Variants in PTPN11 observed in about 807,000 individuals in gnomAD.
The protein encoded by PTPN11 is tyrosine-protein phosphatase non-receptor type 11.
Under a neutral mutation model 78.8 loss-of-function variants are expected in PTPN11, and 6 were observed. That is an observed-to-expected ratio of 0.08 (90% CI 0.04 to 0.15). The LOEUF (loss-of-function observed/expected upper bound fraction) is 0.15, where lower values mean the gene tolerates loss of function less well. Among genes scored for constraint, PTPN11 ranks in the 10% least tolerant of loss-of-function variants. The pLI is 1.00. For missense variants in PTPN11, 386 were observed against 744.8 expected (o/e 0.52, Z 5.61); for synonymous variants, 221 against 263.5 (o/e 0.84, Z 1.56).
chr12:112,422,341 G>A (rs2037534850), intron 1 of PTPN11, among the ~76,000 whole-genome samples: 1 of 152,200 alleles, frequency 6.6e-6, no homozygotes, highest in African/African-American at 2.4e-5. Flanking sequence ...CAGCAATTAA[G>A]TGACTCCTCC....
intron 2 of PTPN11, among the ~76,000 whole-genome samples, chr12:112,447,235 A>G (rs963495212): frequency 3.9e-5 from 6 of 152,108 alleles, no homozygotes; most frequent in African/African-American, 1.4e-4. Flanking sequence ...CTTTATCAAC[A>G]AGTAAAACAT....
intron 13 of PTPN11, among the ~76,000 whole-genome samples, chr12:112,497,336 T>C (rs2038826427): frequency 6.6e-6 from 1 of 152,208 alleles, no homozygotes; most frequent in African/African-American, 2.4e-5. Flanking sequence ...ACGCTTATTC[T>C]TTTTTGTTTG....
At chr12:112,430,695 G>A (rs898837345) in intron 1 of PTPN11, among the ~76,000 whole-genome samples, 1 of 151,626 alleles carries the variant, frequency 6.6e-6, no homozygotes, top group Non-Finnish European at 1.5e-5. Context: ...GAGTAGCTAT[G>A]ACTATAGGCA....
At chr12:112,475,638 G>T (rs1039292647) in intron 7 of PTPN11, among the ~76,000 whole-genome samples, 3 of 152,192 alleles carry the variant, frequency 2.0e-5, no homozygotes, top group African/African-American at 7.2e-5. Context: ...TAGAAAAACT[G>T]TGTGATTGGG....
chr12:112,424,994 GTGTGTGTGTGTGTGTA>G (rs1260932901), intron 1 of PTPN11, among the ~76,000 whole-genome samples: 3 of 144,444 alleles, frequency 2.1e-5, no homozygotes, highest in African/African-American at 8.1e-5. Flanking sequence ...GTGTGTGTGT[GTGTGTGTGTGTGTGTA>G]TGTAGAGATG....
intron 1 of PTPN11, among the ~76,000 whole-genome samples, chr12:112,425,934 G>A (rs573639631): frequency 6.6e-6 from 1 of 152,100 alleles, no homozygotes; most frequent in South Asian, 2.1e-4. Flanking sequence ...CGGAACTCCT[G>A]GGCTCAAGCG....
chr12:112,445,272 C>T (rs2037975039), intron 1 of PTPN11, among the ~76,000 whole-genome samples: 1 of 152,008 alleles, frequency 6.6e-6, no homozygotes, highest in African/African-American at 2.4e-5. Flanking sequence ...GCTGGGATTA[C>T]AGGTGTCCAC....
At chr12:112,462,015 T>A (rs2038255750) in intron 6 of PTPN11, among the ~76,000 whole-genome samples, 1 of 152,156 alleles carries the variant, frequency 6.6e-6, no homozygotes, top group Non-Finnish European at 1.5e-5. Flanking sequence ...GAAAACAGTT[T>A]AATTTTTTTT....
chr12:112,494,940 TTCTGAGCACG>T (rs1416505852), intron 13 of PTPN11, among the ~76,000 whole-genome samples: 1 of 152,204 alleles, frequency 6.6e-6, no homozygotes, highest in Non-Finnish European at 1.5e-5. Context: ...AATGTAAGTG[TTCTGAGCACG>T]TTTAAAGTAG....
intron 3 of PTPN11, among the ~76,000 whole-genome samples, chr12:112,451,411 C>T (rs1193222312): frequency 6.6e-6 from 1 of 152,164 alleles, no homozygotes; most frequent in Non-Finnish European, 1.5e-5. Context: ...ATAGTACTTG[C>T]TTTCTGACCA....
chr12:112,443,401 C>T (rs2037940129), intron 1 of PTPN11, among the ~76,000 whole-genome samples: 1 of 151,110 alleles, frequency 6.6e-6, no homozygotes, highest in Non-Finnish European at 1.5e-5. Flanking sequence ...TTATGTTGCC[C>T]AGGCTGGAGT....
At chr12:112,503,281 A>G (rs918820962) in intron 14 of PTPN11, among the ~76,000 whole-genome samples, 2 of 152,194 alleles carry the variant, frequency 1.3e-5, no homozygotes, top group Admixed American at 6.5e-5. Flanking sequence ...GCATTTGTCA[A>G]ATTGAGGATA....
chr12:112,472,848 A>G, intron 6 of PTPN11, 96 bp from the exon 7 acceptor site: 3 of 996,632 alleles, frequency 3.0e-6, no homozygotes, highest in Non-Finnish European at 4.8e-6. Flanking sequence ...AACATTTCCT[A>G]GGATGAATTC....
At chr12:112,473,438 T>A (rs753200606) in intron 7 of PTPN11, among the ~76,000 whole-genome samples, 1 of 152,108 alleles carries the variant, frequency 6.6e-6, no homozygotes, top group South Asian at 2.1e-4. Context: ...TGGGACTCAG[T>A]TCCCTTAAGT....
intron 1 of PTPN11, among the ~76,000 whole-genome samples, chr12:112,420,188 T>C (rs2037499755): frequency 6.6e-6 from 1 of 152,230 alleles, no homozygotes; most frequent in South Asian, 2.1e-4. Flanking sequence ...TGTTTTCAGA[T>C]AGTGATCCTG....
At chr12:112,433,568 A>G (rs11066301) in intron 1 of PTPN11, among the ~76,000 whole-genome samples, 44,673 of 152,226 alleles carry the variant, frequency 0.29, 9,073 homozygotes, top group Non-Finnish European at 0.44. Context: ...TGTAATAACA[A>G]AAAACCAGAG....
At chr12:112,431,504 TGAGTGTCACCCCTGA>T (rs1262660953) in intron 1 of PTPN11, among the ~76,000 whole-genome samples, 1 of 152,146 alleles carries the variant, frequency 6.6e-6, no homozygotes, top group African/African-American at 2.4e-5. Context: ...ATTGCCATGT[TGAGTGTCACCCCTGA>T]GAAGCAGGGT....
At chr12:112,503,283 T>C (rs2038898984) in intron 14 of PTPN11, among the ~76,000 whole-genome samples, 1 of 152,208 alleles carries the variant, frequency 6.6e-6, no homozygotes, top group Non-Finnish European at 1.5e-5. Flanking sequence ...ATTTGTCAAA[T>C]TGAGGATATG....
chr12:112,481,909 T>C (rs1039055399), intron 9 of PTPN11, among the ~76,000 whole-genome samples, 165 bp from the exon 10 acceptor site: 1 of 152,248 alleles, frequency 6.6e-6, no homozygotes, highest in Admixed American at 6.5e-5. Flanking sequence ...CCTGCTTTTC[T>C]TATTTGAACT....
Sources: allele counts gnomAD v4.1 joint callset (sites outside exome capture counted in the v4.1 genomes callset), GRCh38; gene constraint gnomAD v4.1.1; transcripts MANE v1.5; gene names NCBI Gene and HGNC (gene_info 2026-07-23, HGNC 2026-07-21).